The following RBFOX1 variants were observed in gnomAD, a reference collection of about 807,000 sequenced individuals.
RBFOX1 encodes the protein RNA binding protein fox-1 homolog 1.
In RBFOX1, 8 loss-of-function variants were observed where a neutral mutation model predicts 57.7. The observed-to-expected ratio is 0.14, with a 90% CI of 0.08 to 0.25. The LOEUF (loss-of-function observed/expected upper bound fraction) is 0.25, where lower values mean the gene tolerates loss of function less well. Among genes scored for constraint, RBFOX1 ranks in the 10% least tolerant of loss-of-function variants. The probability of loss-of-function intolerance (pLI) is 1.00; values close to 1 mark genes in which losing one functional copy is unlikely to be tolerated. For missense variants in RBFOX1, 611 were observed against 548.5 expected, an observed-to-expected ratio of 1.11 and a Z score of -1.14; for synonymous variants, 326 against 222.4, an observed-to-expected ratio of 1.47 and a Z score of -4.15.
intron 7 of RBFOX1, among the ~76,000 whole-genome samples, chr16:7,589,654 G>C (rs2094331254): frequency 6.6e-6 from 1 of 151,824 alleles, no homozygotes; most frequent in African/African-American, 2.4e-5. Context: ...CTGCTAAATG[G>C]GGGCAGCAGC....
At chr16:6,457,614 G>A (rs531625357) in intron 2 of RBFOX1, among the ~76,000 whole-genome samples, 3 of 152,188 alleles carry the variant, frequency 2.0e-5, no homozygotes, top group East Asian at 3.9e-4. Flanking sequence ...AGGGGTATTC[G>A]AAGACCTCCC....
intron 4 of RBFOX1, among the ~76,000 whole-genome samples, chr16:7,180,530 T>G (rs1261314359): frequency 2.0e-5 from 3 of 152,138 alleles, no homozygotes; most frequent in Non-Finnish European, 2.9e-5. Flanking sequence ...TTGATTTTAT[T>G]GGGTAGTGCT....
chr16:7,026,850 T>G (rs2041114273), intron 3 of RBFOX1, among the ~76,000 whole-genome samples: 1 of 152,234 alleles, frequency 6.6e-6, no homozygotes, highest in African/African-American at 2.4e-5. Context: ...TCCAGTCGGC[T>G]TGCTGTATCT....
intron 4 of RBFOX1, among the ~76,000 whole-genome samples, chr16:5,955,154 C>T (rs1300920685): frequency 1.4e-5 from 1 of 70,130 alleles, no homozygotes; most frequent in Non-Finnish European, 2.7e-5. Flanking sequence ...AAGCCAGGCG[C>T]ACCTGTAGTC....
intron 2 of RBFOX1, among the ~76,000 whole-genome samples, chr16:6,355,734 A>G (rs1385098512): frequency 6.6e-6 from 1 of 152,194 alleles, no homozygotes; most frequent in Admixed American, 6.5e-5. Flanking sequence ...TGGCTGAACT[A>G]ATTTACACTC....
At chr16:7,602,950 A>C (rs1350889432) in intron 9 of RBFOX1, among the ~76,000 whole-genome samples, 1 of 152,220 alleles carries the variant, frequency 6.6e-6, no homozygotes, top group Non-Finnish European at 1.5e-5. Context: ...GAAACTGTAC[A>C]AATACATGGA....
At chr16:6,338,571 C>G (rs551784033) in intron 2 of RBFOX1, among the ~76,000 whole-genome samples, 2 of 152,232 alleles carry the variant, frequency 1.3e-5, no homozygotes, top group East Asian at 3.9e-4. Flanking sequence ...TTTTTAAAAA[C>G]TTGGTCACTG....
At chr16:7,314,229 C>T (rs1316275421) in intron 4 of RBFOX1, among the ~76,000 whole-genome samples, 1 of 152,078 alleles carries the variant, frequency 6.6e-6, no homozygotes. Context: ...GGGAGCTCTC[C>T]AACTAACAGA....
At chr16:6,140,793 C>G (rs546532093) in intron 1 of RBFOX1, among the ~76,000 whole-genome samples, 4 of 152,304 alleles carry the variant, frequency 2.6e-5, no homozygotes, top group African/African-American at 9.6e-5. Flanking sequence ...TTCATTTCTT[C>G]AAGCTGTGTT....
At chr16:6,532,042 A>G (rs1294754903) in intron 2 of RBFOX1, among the ~76,000 whole-genome samples, 3 of 152,170 alleles carry the variant, frequency 2.0e-5, no homozygotes, top group Admixed American at 6.5e-5. Flanking sequence ...AATGAATTCC[A>G]ACTAAGTCTT....
chr16:5,990,179 G>A (rs540770744), intron 4 of RBFOX1, among the ~76,000 whole-genome samples: 1 of 152,082 alleles, frequency 6.6e-6, no homozygotes, highest in South Asian at 2.1e-4. Context: ...GTGGAGATAG[G>A]GTCTCACTTT....
chr16:7,027,632 A>G (rs1361922774), intron 3 of RBFOX1, among the ~76,000 whole-genome samples: 1 of 152,206 alleles, frequency 6.6e-6, no homozygotes, highest in Non-Finnish European at 1.5e-5. Flanking sequence ...TTAATCCCCC[A>G]AGCCCAACTT....
At chr16:6,774,603 A>G (rs1043450689) in intron 3 of RBFOX1, among the ~76,000 whole-genome samples, 9 of 152,230 alleles carry the variant, frequency 5.9e-5, no homozygotes, top group South Asian at 4.1e-4. Flanking sequence ...CATGTCAGCT[A>G]TATAGAGTCA....
intron 1 of RBFOX1, among the ~76,000 whole-genome samples, chr16:5,369,644 C>G (rs540598124): frequency 9.2e-5 from 14 of 152,200 alleles, no homozygotes; most frequent in African/African-American, 1.9e-4. Flanking sequence ...GGCAAACTTG[C>G]TTCTGGGCTA....
At chr16:7,199,629 C>G (rs760908864) in intron 4 of RBFOX1, among the ~76,000 whole-genome samples, 16 of 152,200 alleles carry the variant, frequency 1.1e-4, no homozygotes, top group Non-Finnish European at 1.9e-4. Context: ...TGCAGTAGCT[C>G]ACGCCTGTAA....
intron 4 of RBFOX1, among the ~76,000 whole-genome samples, chr16:7,456,015 C>A (rs757273744): frequency 4.6e-5 from 7 of 152,144 alleles, no homozygotes; most frequent in Non-Finnish European, 1.0e-4. Flanking sequence ...GGCACATTCC[C>A]TGCATGGTCA....
At chr16:6,914,445 C>T (rs1326603463) in intron 3 of RBFOX1, among the ~76,000 whole-genome samples, 4 of 151,998 alleles carry the variant, frequency 2.6e-5, no homozygotes. Flanking sequence ...AAAGGAGGTA[C>T]TTTTGCATTA....
intron 1 of RBFOX1, among the ~76,000 whole-genome samples, chr16:5,271,970 A>G (rs951509685): frequency 3.3e-5 from 5 of 152,190 alleles, no homozygotes; most frequent in African/African-American, 1.2e-4. Context: ...TTGTGTGTAT[A>G]TAGTACATTT....
rs117050516 is a variant in RBFOX1, at chr16:6,139,078, C to T, written c.-127+119086C>T. On this transcript the variant is annotated intron_variant, in intron 1 of 15. Transcript: ENST00000550418. ...ACAGTTATTAGTGTTGTTTTTATTA[C>T]CGCTATTGTTATTGATAGCAGTTCT... 6.6e-4 allele frequency among the ~76,000 whole-genome samples: 101 copies of T among 152,110 alleles called. No individual in the cohort carries two copies. The East Asian group carries it at 0.018, about 27-fold the overall frequency.
Sources: gnomAD v4.1 joint callset for allele counts (sites outside exome capture counted in the v4.1 genomes callset) on GRCh38, gnomAD v4.1.1 for gene constraint, MANE v1.5 for transcripts, NCBI Gene and HGNC (gene_info 2026-07-23, HGNC 2026-07-21) for gene names.